The following MACROD1 variants were observed in gnomAD, a reference collection of about 807,000 sequenced individuals.
MACROD1 encodes the protein ADP-ribose glycohydrolase MACROD1.
A neutral mutation model predicts 41.4 loss-of-function variants in MACROD1; 31 were observed. That is an observed-to-expected ratio of 0.75 (90% CI 0.56 to 1.01). The LOEUF is 1.01. Ranked by LOEUF, MACROD1 falls within the 50% of genes least tolerant of loss-of-function variation. The probability of loss-of-function intolerance (pLI) is 0.00; values close to 1 mark genes in which losing one functional copy is unlikely to be tolerated. For synonymous variants in MACROD1, 252 were observed against 203.4 expected, an observed-to-expected ratio of 1.24 and a Z score of -2.03; for missense variants, 473 against 460.0, an observed-to-expected ratio of 1.03 and a Z score of -0.26.
At chr11:64,151,078 G>T (rs770229599) in intron 3 of MACROD1, among the ~76,000 whole-genome samples, 161 bp downstream of exon 3, 7 of 152,198 alleles carry the variant, frequency 4.6e-5, no homozygotes, top group Admixed American at 1.3e-4. Context: ...AGAGGAGCCC[G>T]AGTGGCCGAC....
chr11:64,151,421 C>T lies in MACROD1; in HGVS notation c.401-66G>A, dbSNP rs1049591357. 7 of 1,246,868 alleles carry T rather than the reference C, an allele frequency of 5.6e-6. No individual in the cohort carries two copies. The African/African-American group carries it at 7.4e-5, about 13-fold the overall frequency. 77.2% of individuals were successfully genotyped at this position (1,246,868 alleles called of 1,614,324 possible). A position where few individuals can be genotyped will look rare whatever the true frequency, so the allele number is the denominator to read the frequency against. ...CCACTGCAGAGGGACCCAGCCAGGG[C>T]CCAGGGGCCAGGGCCTTCCCTATCG... On this transcript the variant is annotated intron_variant, in intron 2 of 10. Transcript: ENST00000255681.
intron 3 of MACROD1, among the ~76,000 whole-genome samples, chr11:64,049,192 TAGTCC>T: frequency 6.6e-6 from 1 of 152,148 alleles, no homozygotes; most frequent in Admixed American, 6.5e-5. Flanking sequence ...ACCCCATTCA[TAGTCC>T]CACTCTTGGA....
intron 1 of MACROD1, among the ~76,000 whole-genome samples, chr11:64,152,787 G>A (rs375245732): frequency 6.6e-6 from 1 of 152,206 alleles, no homozygotes; most frequent in Non-Finnish European, 1.5e-5. Flanking sequence ...AGGCCAAGCC[G>A]GTTGGCAGCA....
At chr11:64,078,497 G>A (rs914843181) in intron 3 of MACROD1, among the ~76,000 whole-genome samples, 14 of 152,192 alleles carry the variant, frequency 9.2e-5, no homozygotes, top group Non-Finnish European at 1.5e-4. Flanking sequence ...ATTCCACCCC[G>A]GCCTCCCCTT....
At chr11:64,002,649 A>G (rs1051309380) in intron 4 of MACROD1, among the ~76,000 whole-genome samples, 4 of 152,086 alleles carry the variant, frequency 2.6e-5, no homozygotes, top group Non-Finnish European at 5.9e-5. Context: ...CTCTCCCCTG[A>G]GAGTGCAGAG....
In MACROD1 at chr11:64,030,623, G is replaced by A. The variant is rs568201451; in HGVS notation, c.518-15342C>T. ...GCCAGAGAAAAAATCAGCCACACCCGGATCTTAGAGATGTGGACATGTTGG... is the reference window on the plus strand; with the variant it reads ...GCCAGAGAAAAAATCAGCCACACCCAGATCTTAGAGATGTGGACATGTTGG... On this transcript the variant is annotated intron_variant, in intron 3 of 10. Coordinates refer to ENST00000255681, the MANE Select transcript of MACROD1 (RefSeq NM_014067.4). 3.9e-5 allele frequency among the ~76,000 whole-genome samples: 6 copies of A among 152,264 alleles called. No homozygotes were observed. In the South Asian group the frequency reaches 1.0e-3, roughly 26 times the overall value.
chr11:64,155,378 C>T (rs1308504869), intron 1 of MACROD1, among the ~76,000 whole-genome samples: 1 of 152,248 alleles, frequency 6.6e-6, no homozygotes, highest in Non-Finnish European at 1.5e-5. Flanking sequence ...CCGGCCTAGA[C>T]CCAGGCTGCG....
intron 4 of MACROD1, among the ~76,000 whole-genome samples, chr11:64,004,347 G>A (rs1012283492): frequency 2.6e-5 from 4 of 152,262 alleles, no homozygotes; most frequent in African/African-American, 4.8e-5. Flanking sequence ...CATCCGCCAA[G>A]GCGCTTAGGA....
chr11:64,118,876 G>A (rs1040270213), intron 3 of MACROD1: 3 of 166,976 alleles, frequency 1.8e-5, no homozygotes, highest in African/African-American at 7.2e-5. Context: ...TTGCAGATTT[G>A]CAGAAACATG....
chr11:64,147,532 C>G (rs1400672026), intron 3 of MACROD1, among the ~76,000 whole-genome samples: 2 of 143,932 alleles, frequency 1.4e-5, no homozygotes, highest in Middle Eastern at 8.3e-3. Flanking sequence ...AAGTGATTCT[C>G]CTACCTCAGC....
At chr11:64,055,377 C>A (rs952332453) in intron 3 of MACROD1, among the ~76,000 whole-genome samples, 7 of 152,226 alleles carry the variant, frequency 4.6e-5, no homozygotes, top group African/African-American at 1.4e-4. Flanking sequence ...GGTGGAGTTG[C>A]CCTTCATTCA....
At chr11:64,144,783 G>A (rs1263129048) in intron 3 of MACROD1, among the ~76,000 whole-genome samples, 4 of 152,246 alleles carry the variant, frequency 2.6e-5, no homozygotes, top group East Asian at 1.9e-4. Context: ...TTCTGCTGTC[G>A]TGGTGGCCGG....
chr11:64,055,607 C>T (rs1943771025), intron 3 of MACROD1, among the ~76,000 whole-genome samples: 2 of 152,236 alleles, frequency 1.3e-5, no homozygotes, highest in South Asian at 4.1e-4. Flanking sequence ...GCCAGCCCAG[C>T]AGAGGCAGGG....
chr11:64,152,319 T>C lies in MACROD1; in HGVS notation c.373A>G (p.Ile125Val), dbSNP rs1313538855. The change falls in exon 2 of 11, where the codon ATC becomes GTC. Residue 125 changes from isoleucine to valine, a missense_variant. Physicochemically the swap from Ile to Val is conservative, Grantham distance 29. Coordinates refer to ENST00000255681, the MANE Select transcript of MACROD1 (RefSeq NM_014067.4). Reference protein sequence around the residue: ...FCKDFVRLKKIPTWKEMAKGV... With the variant: ...FCKDFVRLKKVPTWKEMAKGV... ...TTCGCCATCTCCTTCCATGTCGGGA[T>C]CTTCTTCAGCCTGACAAAGTCCTTG... 2 of 1,614,240 alleles carry C rather than the reference T, an allele frequency of 1.2e-6. No individual in the cohort carries two copies. The highest frequency in any genetic ancestry group is 1.7e-6 in the Non-Finnish European group (2 of 1,180,040).
At chr11:64,154,535 G>A (rs1288704045) in intron 1 of MACROD1, among the ~76,000 whole-genome samples, 3 of 151,840 alleles carry the variant, frequency 2.0e-5, no homozygotes, top group Non-Finnish European at 4.4e-5. Context: ...CATAAATCAG[G>A]TGCCATCCCT....
intron 3 of MACROD1, among the ~76,000 whole-genome samples, chr11:64,083,627 G>A (rs894361616): frequency 2.0e-5 from 3 of 152,236 alleles, no homozygotes; most frequent in Non-Finnish European, 4.4e-5. Flanking sequence ...AAGCATGTAA[G>A]TGAGTAATGA....
chr11:64,162,288 G>A (rs2134735460), intron 1 of MACROD1, among the ~76,000 whole-genome samples: 1 of 152,204 alleles, frequency 6.6e-6, no homozygotes, highest in East Asian at 1.9e-4. Context: ...AGGAAGCAGT[G>A]AGCTGAGATC....
chr11:64,124,830 G>A (rs1317831870), intron 3 of MACROD1, among the ~76,000 whole-genome samples: 3 of 152,146 alleles, frequency 2.0e-5, no homozygotes, highest in Non-Finnish European at 2.9e-5. Flanking sequence ...ACAGGCGTGT[G>A]CCACCATGCC....
In MACROD1 at chr11:64,118,150, G is replaced by A. The variant is rs761170027; in HGVS notation, c.517+33089C>T. ...CAGATGCTGCCCATCAACCCGTACC[G>A]CGCCAAAGAAGAGTACGTGGTCCAC... On this transcript the variant is annotated intron_variant, in intron 3 of 10. Coordinates refer to ENST00000255681, the MANE Select transcript of MACROD1 (RefSeq NM_014067.4). 4.8e-5 allele frequency: 78 copies of A among 1,613,696 alleles called. No individual in the cohort carries two copies. The highest frequency in any genetic ancestry group is 5.8e-5 in the Non-Finnish European group (68 of 1,179,996).
Sources: gnomAD v4.1 joint callset for allele counts (sites outside exome capture counted in the v4.1 genomes callset) on GRCh38, gnomAD v4.1.1 for gene constraint, MANE v1.5 for transcripts, NCBI Gene and HGNC (gene_info 2026-07-23, HGNC 2026-07-21) for gene names.